The following XKR4 variants were observed in gnomAD, a reference collection of about 807,000 sequenced individuals.
XKR4 encodes XK-related protein 4.
XKR4 carries 12 observed loss-of-function variants against 53.9 expected under a neutral mutation model. That is an observed-to-expected ratio of 0.22 (90% confidence interval 0.14 to 0.36). The LOEUF is 0.36. Among genes scored for constraint, XKR4 ranks in the 10% least tolerant of loss-of-function variants. The probability of loss-of-function intolerance (pLI) is 1.00; values close to 1 mark genes in which losing one functional copy is unlikely to be tolerated. For synonymous variants in XKR4, 354 were observed against 362.4 expected (o/e 0.98, Z 0.26); for missense variants, 799 against 859.5 (o/e 0.93, Z 0.88).
intron 2 of XKR4, among the ~76,000 whole-genome samples, chr8:55,465,993 G>C (rs1042841920): frequency 2.6e-5 from 4 of 152,096 alleles, no homozygotes; most frequent in Non-Finnish European, 5.9e-5. Context: ...AACAACAGGT[G>C]CTGGAGAGGA....
At chr8:55,253,856 G>T (rs1818395447) in intron 1 of XKR4, among the ~76,000 whole-genome samples, 1 of 151,540 alleles carries the variant, frequency 6.6e-6, no homozygotes, top group Non-Finnish European at 1.5e-5. Context: ...TAGTAGCTGG[G>T]ACTGTAAGTG....
At chr8:55,194,190 G>A (rs1585930781) in intron 1 of XKR4, among the ~76,000 whole-genome samples, 1 of 152,184 alleles carries the variant, frequency 6.6e-6, no homozygotes, top group East Asian at 1.9e-4. Context: ...ACAGGGCATG[G>A]TCTAGCTGTC....
rs183956959 is a variant in XKR4 at position 55,482,009 on chromosome 8, G to C, written c.1007-41272G>C. Among the ~76,000 whole-genome samples, 148 of 152,160 alleles carry C rather than the reference G, an allele frequency of 9.7e-4. 3 individuals carry two copies. The highest frequency in any genetic ancestry group is 3.1e-4 in the Non-Finnish European group (21 of 67,976). On this transcript the variant is annotated intron_variant, in intron 2 of 2. Transcript: ENST00000327381. ...GTGGCGATTCCTCAGGGAACTAGAA[G>C]TAGAAATACCATTTGACCCAGCCAT...
intron 1 of XKR4, among the ~76,000 whole-genome samples, chr8:55,279,736 G>A (rs1818811533): frequency 6.6e-6 from 1 of 152,160 alleles, no homozygotes; most frequent in South Asian, 2.1e-4. Context: ...AGGGCACACA[G>A]TCTTCATCAT....
intron 2 of XKR4, among the ~76,000 whole-genome samples, chr8:55,481,391 G>T (rs199862353): frequency 0.32 from 48,436 of 149,960 alleles, 9,635 homozygotes; most frequent in African/African-American, 0.57. Context: ...ATACAAAAAT[G>T]AATTCAAGAT....
In XKR4 at chr8:55,472,769, T is replaced by C. The variant is rs141275690; in HGVS notation, c.1007-50512T>C. 2.0e-5 allele frequency among the ~76,000 whole-genome samples: 3 copies of C among 152,210 alleles called. No individual in the cohort carries two copies. The East Asian group carries it at 5.8e-4, about 29-fold the overall frequency. On this transcript the variant is annotated intron_variant, in intron 2 of 2. Coordinates refer to ENST00000327381, the MANE Select transcript of XKR4 (RefSeq NM_052898.2). ...CTATTATTAGGGATAAATTGGCTGATCACCTCAAGAAGATTGGAGTATTCT... is the reference window on the plus strand; with the variant it reads ...CTATTATTAGGGATAAATTGGCTGACCACCTCAAGAAGATTGGAGTATTCT...
At chr8:55,273,215 T>C (rs1392722008) in intron 1 of XKR4, among the ~76,000 whole-genome samples, 1 of 151,758 alleles carries the variant, frequency 6.6e-6, no homozygotes, top group Non-Finnish European at 1.5e-5. Context: ...CTAAATGTGC[T>C]CTTGTTAGAT....
intron 1 of XKR4, among the ~76,000 whole-genome samples, chr8:55,237,757 T>G (rs1372916538): frequency 6.6e-6 from 1 of 152,220 alleles, no homozygotes; most frequent in African/African-American, 2.4e-5. Flanking sequence ...TTTATCCTGA[T>G]GTAGTATGTG....
chr8:55,487,757 G>A (rs181083296), intron 2 of XKR4, among the ~76,000 whole-genome samples: 1 of 152,280 alleles, frequency 6.6e-6, no homozygotes, highest in Non-Finnish European at 1.5e-5. Context: ...ACAGGCGTAA[G>A]CCACTACCTA....
chr8:55,151,538 AAT>A (rs1816839679), intron 1 of XKR4, among the ~76,000 whole-genome samples: 1 of 152,234 alleles, frequency 6.6e-6, no homozygotes, highest in Non-Finnish European at 1.5e-5. Context: ...TATGACAAAA[AAT>A]AGATTATCAT....
chr8:55,325,580 C>T (rs1803280591), intron 1 of XKR4, among the ~76,000 whole-genome samples: 1 of 152,126 alleles, frequency 6.6e-6, no homozygotes, highest in African/African-American at 2.4e-5. Flanking sequence ...ATATGCTAAA[C>T]CTAAAGAGCT....
intron 1 of XKR4, among the ~76,000 whole-genome samples, chr8:55,184,123 A>T (rs1211302757): frequency 6.6e-6 from 1 of 151,152 alleles, no homozygotes; most frequent in Non-Finnish European, 1.5e-5. Flanking sequence ...GCAATATATT[A>T]AAAAAAAATT....
At chr8:55,251,541 C>G (rs1818362232) in intron 1 of XKR4, among the ~76,000 whole-genome samples, 2 of 152,120 alleles carry the variant, frequency 1.3e-5, no homozygotes, top group South Asian at 4.1e-4. Context: ...TCCTATAGAT[C>G]CATATAGCTT....
Position 55,244,937 on chromosome 8 carries a change from T to G in XKR4, c.807-112741T>G, listed in dbSNP as rs201240376. Among the ~76,000 whole-genome samples the G allele has an allele frequency of 3.3e-5, 5 of 150,194 alleles. No homozygotes were observed. In the East Asian group the frequency reaches 9.9e-4, roughly 30 times the overall value. On this transcript the variant is annotated intron_variant, in intron 1 of 2. Coordinates refer to ENST00000327381, the MANE Select transcript of XKR4 (RefSeq NM_052898.2). ...TTTTTTTGAGATAGAGTCTCACTGT[T>G]GTCGCCTGGGCTGGAGTGTAATAGC...
intron 1 of XKR4, among the ~76,000 whole-genome samples, chr8:55,213,202 C>T (rs1817752823): frequency 6.6e-6 from 1 of 152,192 alleles, no homozygotes; most frequent in South Asian, 2.1e-4. Context: ...GGCTCGAACA[C>T]CTCTGACAAA....
intron 1 of XKR4, among the ~76,000 whole-genome samples, chr8:55,274,521 C>A (rs981150745): frequency 1.3e-5 from 2 of 151,992 alleles, no homozygotes; most frequent in African/African-American, 4.8e-5. Context: ...CAGCCTCCGC[C>A]TCCCGGGTTC....
chr8:55,242,103 T>C (rs1818218275), intron 1 of XKR4, among the ~76,000 whole-genome samples: 2 of 152,196 alleles, frequency 1.3e-5, no homozygotes, highest in Admixed American at 1.3e-4. Context: ...TCATATTCAT[T>C]CATATATTCA....
At chr8:55,313,000 A>G (rs1819409111) in intron 1 of XKR4, among the ~76,000 whole-genome samples, 1 of 152,194 alleles carries the variant, frequency 6.6e-6, no homozygotes, top group African/African-American at 2.4e-5. Flanking sequence ...ACTTCATATG[A>G]CACAGTTGTT....
At chr8:55,173,995 A>G (rs1817198048) in intron 1 of XKR4, among the ~76,000 whole-genome samples, 1 of 152,254 alleles carries the variant, frequency 6.6e-6, no homozygotes, top group South Asian at 2.1e-4. Context: ...GCATCATTAT[A>G]CATTAAAAAT....
Sources: gnomAD v4.1 joint callset for allele counts (sites outside exome capture counted in the v4.1 genomes callset) on GRCh38, gnomAD v4.1.1 for gene constraint, MANE v1.5 for transcripts, NCBI Gene and HGNC (gene_info 2026-07-23, HGNC 2026-07-21) for gene names.